ZC3H12B: variants seen among roughly 807,000 people sequenced by gnomAD.
The protein encoded by ZC3H12B is probable ribonuclease ZC3H12B.
Under a neutral mutation model 43.9 loss-of-function variants are expected in ZC3H12B, and 7 were observed. That is an observed-to-expected ratio of 0.16 (90% CI 0.09 to 0.30). The LOEUF (loss-of-function observed/expected upper bound fraction) is 0.30. Ranked by LOEUF, ZC3H12B falls within the 10% of genes least tolerant of loss-of-function variation. The pLI is 1.00. For missense variants in ZC3H12B, 475 were observed against 670.2 expected (o/e 0.71, Z 3.22); for synonymous variants, 222 against 241.7 (o/e 0.92, Z 0.76).
the ZC3H12B span, among the ~76,000 whole-genome samples, chrX:65,113,468 G>T: frequency 9.0e-6 from 1 of 110,513 alleles, no homozygotes; most frequent in Admixed American, 9.6e-5. Flanking sequence ...GGAGACCAAG[G>T]TGGGAGGATC....
chrX:65,180,685 T>C, the ZC3H12B span, among the ~76,000 whole-genome samples: 1 of 110,676 alleles, frequency 9.0e-6, no homozygotes, highest in Non-Finnish European at 1.9e-5. Flanking sequence ...CAGCATAAAA[T>C]ACTAGGAATA....
the ZC3H12B span, among the ~76,000 whole-genome samples, chrX:65,100,002 CTGT>C: frequency 8.9e-6 from 1 of 111,806 alleles, no homozygotes; most frequent in African/African-American, 3.2e-5. Flanking sequence ...GTTACAGAAA[CTGT>C]TAACTAGAAT....
At chrX:65,127,186 A>C in the ZC3H12B span, among the ~76,000 whole-genome samples, 1 of 111,610 alleles carries the variant, frequency 9.0e-6, no homozygotes, top group Non-Finnish European at 1.9e-5. Context: ...TTTTTCCCAC[A>C]GGGTGCTCCC....
chrX:65,039,901 C>A, the ZC3H12B span, among the ~76,000 whole-genome samples: 3 of 111,195 alleles, frequency 2.7e-5, no homozygotes, highest in Non-Finnish European at 5.7e-5. Context: ...AAGTAGGGAT[C>A]CTTTCATTTG....
chrX:65,374,111 TATATATAACTATATATAGTG>T (rs2066309355), intron 2 of ZC3H12B, among the ~76,000 whole-genome samples: 1 of 72,748 alleles, frequency 1.4e-5, no homozygotes, highest in Non-Finnish European at 2.4e-5. Context: ...ATATATAGGT[TATATATAACTATATATAGTG>T]TATATATAAC....
chrX:65,374,565 A>G (rs1048550297), intron 2 of ZC3H12B, among the ~76,000 whole-genome samples: 1 of 110,200 alleles, frequency 9.1e-6, no homozygotes, highest in Admixed American at 9.9e-5. Context: ...AAACAAAAAT[A>G]GCACATTCAT....
At chrX:65,149,220 A>T in the ZC3H12B span, among the ~76,000 whole-genome samples, 1 of 111,376 alleles carries the variant, frequency 9.0e-6, no homozygotes, top group Non-Finnish European at 1.9e-5. Context: ...TGCTTTACCA[A>T]GCCCACATAA....
At chrX:65,447,792 C>G (rs1234812068) in intron 3 of ZC3H12B, among the ~76,000 whole-genome samples, 3 of 111,443 alleles carry the variant, frequency 2.7e-5, no homozygotes, top group African/African-American at 9.8e-5. Flanking sequence ...CATGAATAGA[C>G]ATTTCTCAAA....
the ZC3H12B span, among the ~76,000 whole-genome samples, chrX:65,314,415 G>T: frequency 1.8e-5 from 2 of 111,253 alleles, no homozygotes; most frequent in East Asian, 5.6e-4. Context: ...CGAGAAAAAT[G>T]ACACATTAAG....
At chrX:65,445,786 G>T (rs2067367815) in intron 3 of ZC3H12B, among the ~76,000 whole-genome samples, 1 of 112,569 alleles carries the variant, frequency 8.9e-6, no homozygotes, top group Non-Finnish European at 1.9e-5. Flanking sequence ...ATGCTGTCTG[G>T]GAGCTGGGGC....
chrX:65,389,357 C>T (rs1262966634), intron 2 of ZC3H12B, among the ~76,000 whole-genome samples: 6 of 112,325 alleles, frequency 5.3e-5, no homozygotes, highest in Non-Finnish European at 9.4e-5. Flanking sequence ...CCCCCAGCCT[C>T]GCTGCCACCT....
At chrX:65,408,428 A>T (rs1022446673) in intron 3 of ZC3H12B, 5 of 1,207,371 alleles carry the variant, frequency 4.1e-6, no homozygotes, top group Admixed American at 4.4e-5. Context: ...ACAGGTGACC[A>T]TGGCAGAGTT....
the ZC3H12B span, among the ~76,000 whole-genome samples, chrX:65,303,743 A>G: frequency 8.9e-6 from 1 of 112,623 alleles, no homozygotes; most frequent in South Asian, 3.6e-4. Context: ...ACATATTTCT[A>G]TATACCAGCA....
the ZC3H12B span, among the ~76,000 whole-genome samples, chrX:65,193,125 C>G: frequency 6.1e-5 from 5 of 81,310 alleles, no homozygotes; most frequent in African/African-American, 2.1e-4. Context: ...TTTTTTTTTT[C>G]TTTTAATGTG....
At chrX:65,261,881 A>G in the ZC3H12B span, among the ~76,000 whole-genome samples, 1 of 111,243 alleles carries the variant, frequency 9.0e-6, no homozygotes, top group South Asian at 3.7e-4. Flanking sequence ...TCATTTATCT[A>G]AAGAGAAAAG....
At chrX:65,293,623 C>A in the ZC3H12B span, among the ~76,000 whole-genome samples, 1 of 108,891 alleles carries the variant, frequency 9.2e-6, no homozygotes, top group Non-Finnish European at 1.9e-5. Context: ...AGGGAATGAA[C>A]AGAAAAATTT....
chrX:65,332,413 G>A, the ZC3H12B span, among the ~76,000 whole-genome samples: 2 of 111,793 alleles, frequency 1.8e-5, no homozygotes, highest in African/African-American at 3.2e-5. Context: ...AGCTTATCTT[G>A]TGTTCCTACA....
chrX:65,330,118 G>A, the ZC3H12B span, among the ~76,000 whole-genome samples: 2 of 111,630 alleles, frequency 1.8e-5, no homozygotes, highest in East Asian at 5.6e-4. Context: ...GGATGGCATG[G>A]AATCTATAAA....
the ZC3H12B span, chrX:65,328,458 G>C: frequency 3.8e-6 from 1 of 263,650 alleles, no homozygotes; most frequent in Non-Finnish European, 7.4e-6. Flanking sequence ...ACTAGCCATA[G>C]TTTTAGCTCT....
Sources: gnomAD v4.1 joint callset for allele counts (sites outside exome capture counted in the v4.1 genomes callset) on GRCh38, gnomAD v4.1.1 for gene constraint, MANE v1.5 for transcripts, NCBI Gene and HGNC (gene_info 2026-07-23, HGNC 2026-07-21) for gene names.